Variants in CCDC85A observed in about 807,000 individuals in gnomAD.
The protein encoded by CCDC85A is coiled-coil domain containing 85A, also known as coiled-coil domain-containing protein 85A.
In CCDC85A, 38 loss-of-function variants were observed where a neutral mutation model predicts 50.2. That is an observed-to-expected ratio of 0.76 (90% CI 0.58 to 0.99). The LOEUF (loss-of-function observed/expected upper bound fraction) is 0.99. Among genes scored for constraint, CCDC85A ranks in the 50% least tolerant of loss-of-function variants. CCDC85A has a pLI of 0.00. For missense variants in CCDC85A, 820 were observed against 742.0 expected (o/e 1.11, Z -1.22); for synonymous variants, 366 against 301.4 (o/e 1.21, Z -2.22).
chr2:56,357,201 C>G (rs1398483972), intron 3 of CCDC85A, among the ~76,000 whole-genome samples: 1 of 152,124 alleles, frequency 6.6e-6, no homozygotes, highest in Non-Finnish European at 1.5e-5. Flanking sequence ...GGAAACCAGT[C>G]ATACTGAGCT....
At chr2:56,297,295 A>C (rs763546881) in intron 2 of CCDC85A, among the ~76,000 whole-genome samples, 7 of 151,852 alleles carry the variant, frequency 4.6e-5, no homozygotes, top group Non-Finnish European at 7.4e-5. Flanking sequence ...GGGGAAACTT[A>C]CTCAAAATAT....
chr2:56,365,000 A>G (rs1480634699), intron 3 of CCDC85A, among the ~76,000 whole-genome samples: 1 of 152,198 alleles, frequency 6.6e-6, no homozygotes, highest in Non-Finnish European at 1.5e-5. Flanking sequence ...ACATAGAATA[A>G]ATTTCAAATC....
At chr2:56,205,053 A>C (rs1676906066) in intron 2 of CCDC85A, among the ~76,000 whole-genome samples, 1 of 152,166 alleles carries the variant, frequency 6.6e-6, no homozygotes, top group Non-Finnish European at 1.5e-5. Context: ...TAGCATGTGC[A>C]TTCTATGTCT....
At chr2:56,247,697 A>G (rs775011457) in intron 2 of CCDC85A, among the ~76,000 whole-genome samples, 3 of 152,250 alleles carry the variant, frequency 2.0e-5, no homozygotes, top group Non-Finnish European at 4.4e-5. Context: ...ATGAAAAAAC[A>G]TAAACCTGTA....
At chr2:56,236,366 G>C (rs1048698718) in intron 2 of CCDC85A, among the ~76,000 whole-genome samples, 7 of 152,278 alleles carry the variant, frequency 4.6e-5, no homozygotes, top group Middle Eastern at 3.4e-3. Flanking sequence ...TGAGAGAGTT[G>C]AGGCAGCCGG....
chr2:56,212,127 C>G (rs1054361390), intron 2 of CCDC85A, among the ~76,000 whole-genome samples: 2 of 152,058 alleles, frequency 1.3e-5, no homozygotes. Context: ...CTTCTGAGTA[C>G]TTGCCAGCTA....
intron 2 of CCDC85A, among the ~76,000 whole-genome samples, chr2:56,307,974 T>TAACTC (rs1281168357): frequency 1.3e-5 from 2 of 152,308 alleles, no homozygotes; most frequent in Admixed American, 1.3e-4. Flanking sequence ...AGTAAACACT[T>TAACTC]AAGTGTCTTT....
At chr2:56,258,442 A>T (rs1670080042) in intron 2 of CCDC85A, among the ~76,000 whole-genome samples, 1 of 152,170 alleles carries the variant, frequency 6.6e-6, no homozygotes, top group South Asian at 2.1e-4. Flanking sequence ...GCCATACCTC[A>T]CCACCCCTCG....
chr2:56,217,472 G>A (rs1480826035), intron 2 of CCDC85A, among the ~76,000 whole-genome samples: 23 of 151,662 alleles, frequency 1.5e-4, no homozygotes, highest in Admixed American at 1.5e-3. Context: ...AAGGAGGGGA[G>A]GAATTCCTTT....
intron 2 of CCDC85A, among the ~76,000 whole-genome samples, chr2:56,301,477 G>A (rs760704669): frequency 6.6e-6 from 1 of 152,152 alleles, no homozygotes; most frequent in Non-Finnish European, 1.5e-5. Flanking sequence ...TTTTATATAA[G>A]TGCCCCTCCA....
intron 2 of CCDC85A, among the ~76,000 whole-genome samples, chr2:56,337,547 C>T (rs1417139981): frequency 6.6e-6 from 1 of 152,138 alleles, no homozygotes; most frequent in Non-Finnish European, 1.5e-5. Context: ...ACAATAGGAT[C>T]ATTTTTGGCT....
chr2:56,371,638 G>T (rs1676078415), intron 3 of CCDC85A, among the ~76,000 whole-genome samples: 1 of 151,954 alleles, frequency 6.6e-6, no homozygotes, highest in South Asian at 2.1e-4. Flanking sequence ...ATTTTAATAG[G>T]ATTATACAGT....
At chr2:56,315,267 A>G (rs1420752930) in intron 2 of CCDC85A, among the ~76,000 whole-genome samples, 2 of 152,112 alleles carry the variant, frequency 1.3e-5, no homozygotes, top group Non-Finnish European at 2.9e-5. Context: ...AAAAAATACT[A>G]ATTGTTTTGC....
intron 2 of CCDC85A, among the ~76,000 whole-genome samples, chr2:56,256,549 G>A (rs1355037216): frequency 6.6e-6 from 1 of 152,204 alleles, no homozygotes; most frequent in Non-Finnish European, 1.5e-5. Flanking sequence ...GAATTGTACC[G>A]ATTGGAATTA....
chr2:56,376,266 C>A (rs751940010), intron 5 of CCDC85A, among the ~76,000 whole-genome samples: 1 of 152,144 alleles, frequency 6.6e-6, no homozygotes, highest in South Asian at 2.1e-4. Flanking sequence ...ATGTTTGTAG[C>A]GTGGATGTCT....
At chr2:56,356,288 G>A (rs746174779) in intron 3 of CCDC85A, among the ~76,000 whole-genome samples, 1 of 152,148 alleles carries the variant, frequency 6.6e-6, no homozygotes, top group Admixed American at 6.5e-5. Flanking sequence ...AAGCAAAGGG[G>A]CCTTTATCAA....
chr2:56,311,307 C>T (rs1305883719), intron 2 of CCDC85A, among the ~76,000 whole-genome samples: 3 of 152,128 alleles, frequency 2.0e-5, no homozygotes, highest in African/African-American at 4.8e-5. Context: ...TCATGACATT[C>T]CTCAGGTCTC....
chr2:56,193,610 C>T (rs1165797335), intron 2 of CCDC85A, among the ~76,000 whole-genome samples, 170 bp downstream of exon 2: 3 of 152,182 alleles, frequency 2.0e-5, no homozygotes, highest in Non-Finnish European at 4.4e-5. Context: ...TCTTCTCCTC[C>T]ATCTGTTTTT....
chr2:56,217,692 A>G (rs906158390), intron 2 of CCDC85A, among the ~76,000 whole-genome samples: 2 of 151,780 alleles, frequency 1.3e-5, no homozygotes, highest in South Asian at 4.1e-4. Flanking sequence ...TTCTTTTTCT[A>G]TATGCAATAA....
Sources: gnomAD v4.1 joint callset for allele counts (sites outside exome capture counted in the v4.1 genomes callset) on GRCh38, gnomAD v4.1.1 for gene constraint, MANE v1.5 for transcripts, NCBI Gene and HGNC (gene_info 2026-07-23, HGNC 2026-07-21) for gene names.